Variants in CUBN observed in about 807,000 individuals in gnomAD.
CUBN encodes cubilin.
A neutral mutation model predicts 405.3 loss-of-function variants in CUBN; 282 were observed. The observed-to-expected ratio is 0.70, with a 90% CI of 0.63 to 0.77. The LOEUF is 0.77. CUBN is among the 30% of genes least tolerant of loss of function. The probability of loss-of-function intolerance (pLI) is 0.00; values close to 1 mark genes in which losing one functional copy is unlikely to be tolerated. For synonymous variants in CUBN, 1,684 were observed against 1,617.0 expected (o/e 1.04, Z -0.99); for missense variants, 4,514 against 4,475.2 (o/e 1.01, Z -0.25).
rs1429799817 is a variant in CUBN at position 16,890,429 on chromosome 10, A to G, written c.8697T>C (p.Thr2899=). 1 of 1,614,124 alleles carries G rather than the reference A, an allele frequency of 6.2e-7. No individual in the cohort carries two copies. The highest frequency in any genetic ancestry group is 1.7e-5 in the Admixed American group (1 of 60,018). ...GPVITPSNTF[T]AVFQSQEAPA... ...GTGCCTCCTGAGACTGGAAGACGGC[A>G]GTGAATGTGTTACTTGGTGTGATAA... is the stretch of plus-strand genomic sequence containing the variant. Residue 2899 remains threonine (T), a synonymous_variant, in exon 55 of 67, where the codon ACT becomes ACC. Transcript: ENST00000377833.
intron 36 of CUBN, among the ~76,000 whole-genome samples, chr10:16,946,581 C>T (rs1250737568): frequency 2.0e-5 from 3 of 151,114 alleles, no homozygotes; most frequent in African/African-American, 7.3e-5. Context: ...CCACAACCTC[C>T]ACCTCCCAGG....
At chr10:16,937,825 A>G in intron 38 of CUBN, 41 bp from the exon 39 acceptor site, 1 of 1,547,484 alleles carries the variant, frequency 6.5e-7, no homozygotes. Flanking sequence ...TATTATCTAT[A>G]TTTTTCTTCA....
Position 17,129,330 on chromosome 10 carries a change from A to G in CUBN, c.123-80T>C. ...CCAAAATAACAAAGTTTCTTACTGA[A>G]TAACTACAGGCCAAATACATCTTCA... On this transcript the variant is annotated intron_variant, in intron 1 of 66. Coordinates refer to ENST00000377833, the MANE Select transcript of CUBN (RefSeq NM_001081.4). 2.7e-6 allele frequency: 4 copies of G among 1,489,920 alleles called. No homozygotes were observed. The South Asian group carries it at 3.4e-5, about 13-fold the overall frequency. 92.3% of individuals were successfully genotyped at this position (1,489,920 alleles called of 1,614,324 possible). A position where few individuals can be genotyped will look rare whatever the true frequency, so the allele number is the denominator to read the frequency against.
intron 59 of CUBN, among the ~76,000 whole-genome samples, chr10:16,852,173 A>C (rs1410562913): frequency 7.4e-3 from 181 of 24,526 alleles, no homozygotes; most frequent in Admixed American, 9.4e-3. Context: ...CCCTCCCTCT[A>C]TCTTTCCCTC....
chr10:16,968,115 G>A (rs1162894230), intron 31 of CUBN, among the ~76,000 whole-genome samples: 1 of 152,104 alleles, frequency 6.6e-6, no homozygotes, highest in Non-Finnish European at 1.5e-5. Flanking sequence ...TCATCTCTTT[G>A]AAACCCAGAG....
At chr10:17,097,194 G>A (rs1426417012) in intron 14 of CUBN, among the ~76,000 whole-genome samples, 2 of 151,806 alleles carry the variant, frequency 1.3e-5, no homozygotes, top group South Asian at 2.1e-4. Context: ...ACAAATCCTT[G>A]GTAAGACTTA....
chr10:17,033,951 G>A (rs1834835971), intron 27 of CUBN, among the ~76,000 whole-genome samples: 1 of 152,196 alleles, frequency 6.6e-6, no homozygotes, highest in Admixed American at 6.5e-5. Context: ...AAGATTCAGG[G>A]ATACTGGTGA....
intron 6 of CUBN, among the ~76,000 whole-genome samples, chr10:17,120,647 ATG>A (rs45483196): frequency 0.065 from 9,965 of 152,276 alleles, 486 homozygotes; most frequent in South Asian, 0.24. Flanking sequence ...ATTCTGTCAT[ATG>A]TGTGTGTGGA....
intron 55 of CUBN, 47 bp downstream of exon 55, chr10:16,890,324 C>T (rs1196079202): frequency 4.4e-6 from 7 of 1,606,934 alleles, no homozygotes; most frequent in Non-Finnish European, 4.3e-6. Flanking sequence ...CCTGTGACAA[C>T]CACACTCCCG....
intron 40 of CUBN, among the ~76,000 whole-genome samples, chr10:16,929,748 A>G (rs544158381): frequency 6.6e-6 from 1 of 152,152 alleles, no homozygotes; most frequent in Non-Finnish European, 1.5e-5. Context: ...TTTGCTACAC[A>G]TTTCACCCAA....
chr10:17,084,521 T>C (rs1836057807), intron 16 of CUBN, 60 bp from the exon 17 acceptor site: 1 of 1,445,950 alleles, frequency 6.9e-7, no homozygotes, highest in Non-Finnish European at 9.6e-7. Context: ...CTTGCAGGCA[T>C]TGGATCCAAT....
At chr10:16,895,867 A>G (rs1476920253) in intron 54 of CUBN, among the ~76,000 whole-genome samples, 3 of 152,182 alleles carry the variant, frequency 2.0e-5, no homozygotes, top group African/African-American at 7.2e-5. Flanking sequence ...ACTATTTACA[A>G]TTATACTGAT....
At chr10:17,092,690 G>GA (rs1836292266) in intron 14 of CUBN, among the ~76,000 whole-genome samples, 2 of 152,186 alleles carry the variant, frequency 1.3e-5, no homozygotes, top group South Asian at 4.1e-4. Flanking sequence ...GTAACATCAG[G>GA]AAGTTACCCC....
At chr10:16,932,652 T>C (rs2356586) in intron 40 of CUBN, among the ~76,000 whole-genome samples, 4,983 of 152,264 alleles carry the variant, frequency 0.033, 314 homozygotes, top group East Asian at 0.17. Context: ...TCTGGAACTC[T>C]TGGACTCAAG....
intron 13 of CUBN, among the ~76,000 whole-genome samples, chr10:17,102,026 C>T (rs951122245): frequency 2.0e-5 from 3 of 152,128 alleles, no homozygotes; most frequent in African/African-American, 7.2e-5. Flanking sequence ...AAGCAACCAT[C>T]TTCTAAAATA....
At chr10:16,909,131 C>T (rs964157676) in intron 48 of CUBN, among the ~76,000 whole-genome samples, 12 of 151,208 alleles carry the variant, frequency 7.9e-5, no homozygotes, top group African/African-American at 2.7e-4. Flanking sequence ...ATGATCCACC[C>T]GCCTCGGCCT....
At chr10:17,009,625 G>A (rs1355542404) in intron 28 of CUBN, among the ~76,000 whole-genome samples, 1 of 89,798 alleles carries the variant, frequency 1.1e-5, no homozygotes, top group Non-Finnish European at 3.0e-5. Flanking sequence ...CTGACTGTAC[G>A]GATGAATCAC....
intron 31 of CUBN, among the ~76,000 whole-genome samples, chr10:16,981,524 T>C (rs1833273610): frequency 6.6e-6 from 1 of 152,120 alleles, no homozygotes; most frequent in Non-Finnish European, 1.5e-5. Context: ...GGACGGCAAA[T>C]GCTAAAAGAG....
chr10:17,105,098 G>C (rs1407582654), intron 11 of CUBN, among the ~76,000 whole-genome samples: 1 of 151,988 alleles, frequency 6.6e-6, no homozygotes, highest in Non-Finnish European at 1.5e-5. Flanking sequence ...ACCACGCCTG[G>C]CCTACTGATA....
Sources: allele counts gnomAD v4.1 joint callset (sites outside exome capture counted in the v4.1 genomes callset), GRCh38; gene constraint gnomAD v4.1.1; transcripts MANE v1.5; gene names NCBI Gene and HGNC (gene_info 2026-07-23, HGNC 2026-07-21).